Variants in ALOX5 observed in about 807,000 individuals in gnomAD.
ALOX5 encodes polyunsaturated fatty acid 5-lipoxygenase.
ALOX5 carries 64 observed loss-of-function variants against 87.9 expected under a neutral mutation model. The observed-to-expected ratio is 0.73, with a 90% CI of 0.60 to 0.90. The LOEUF is 0.90. Among genes scored for constraint, ALOX5 ranks in the 40% least tolerant of loss-of-function variants. The pLI, the probability that ALOX5 is intolerant of heterozygous loss-of-function variation, is 0.00. For synonymous variants in ALOX5, 388 were observed against 355.1 expected (o/e 1.09, Z -1.04); for missense variants, 822 against 907.5 (o/e 0.91, Z 1.21).
At chr10:45,432,862 A>G (rs1341828217) in intron 7 of ALOX5, among the ~76,000 whole-genome samples, 1 of 152,280 alleles carries the variant, frequency 6.6e-6, no homozygotes, top group Non-Finnish European at 1.5e-5. Context: ...AAACAAAGCC[A>G]AAAAGCAAAA....
chr10:45,443,330 T>G, intron 10 of ALOX5, 86 bp from the exon 11 acceptor site: 2 of 1,582,620 alleles, frequency 1.3e-6, no homozygotes, highest in South Asian at 2.3e-5. Context: ...GGTGGGGGAG[T>G]CCCAGCGTCC....
At chr10:45,436,306 CTA>C (rs1428819629) in intron 7 of ALOX5, among the ~76,000 whole-genome samples, 1 of 152,076 alleles carries the variant, frequency 6.6e-6, no homozygotes, top group Non-Finnish European at 1.5e-5. Context: ...CCTTTGAGGT[CTA>C]GTCATAAATT....
intron 1 of ALOX5, among the ~76,000 whole-genome samples, chr10:45,379,028 C>T (rs1175042490): frequency 6.6e-6 from 1 of 152,126 alleles, no homozygotes; most frequent in South Asian, 2.1e-4. Flanking sequence ...TGTGACTGCA[C>T]CACAGGTGTG....
intron 4 of ALOX5, among the ~76,000 whole-genome samples, chr10:45,423,009 C>T (rs767252424): frequency 3.9e-5 from 6 of 152,210 alleles, no homozygotes; most frequent in South Asian, 2.1e-4. Context: ...AATCCCATCA[C>T]GGGTACCCCA....
In ALOX5 at chr10:45,445,210, C is replaced by T. The variant is rs770266661; in HGVS notation, c.1846-298C>T. Among the ~76,000 whole-genome samples, 81 of 152,232 alleles carry T rather than the reference C, an allele frequency of 5.3e-4. 1 individual carries two copies. The highest frequency in any genetic ancestry group is 1.6e-4 in the Non-Finnish European group (11 of 68,038). On this transcript the variant is annotated intron_variant, in intron 13 of 13. Transcript: ENST00000374391. ...CAGCAGGATACCATGGCTGCAAACA[C>T]CAGCAGCCCCCAGCTTCATCTGCAT...
intron 3 of ALOX5, among the ~76,000 whole-genome samples, chr10:45,399,748 G>A (rs1589004635): frequency 6.6e-6 from 1 of 151,980 alleles, no homozygotes; most frequent in East Asian, 1.9e-4. Context: ...GTCTGATAAG[G>A]GACTTGTATC....
In ALOX5 at chr10:45,436,892, C is replaced by G. The variant is rs117622652; in HGVS notation, c.982-3538C>G. 3.8e-3 allele frequency among the ~76,000 whole-genome samples: 582 copies of G among 152,150 alleles called. 12 individuals are homozygous for G. In the East Asian group the frequency reaches 0.053, roughly 14 times the overall value. ...CATTTTTTTGTGTCATCTATGATTT[C>G]TTTCATCAGTGTTTTATAGTTCTCT... On this transcript the variant is annotated intron_variant, in intron 7 of 13. Transcript: ENST00000374391.
rs893194462 is a variant in ALOX5, at chr10:45,374,225, C to A, written c.-55C>A. The A allele has an allele frequency of 3.5e-6, 5 of 1,435,528 alleles. No homozygotes were observed. In the African/African-American group the frequency reaches 6.0e-5, roughly 17 times the overall value. 88.9% of individuals were successfully genotyped at this position (1,435,528 alleles called of 1,614,324 possible). On this transcript the variant is annotated 5_prime_UTR_variant, in exon 1 of 14. Coordinates refer to ENST00000374391, the MANE Select transcript of ALOX5 (RefSeq NM_000698.5). Reference sequence around the variant, plus strand: ...AGGAGGCTGCGGCGCTAGATGCGGACACCTGGACCGCCGCGCCGAGGCTCC... The same window carrying A: ...AGGAGGCTGCGGCGCTAGATGCGGAAACCTGGACCGCCGCGCCGAGGCTCC...
At chr10:45,419,575 C>G (rs1294650483) in intron 4 of ALOX5, among the ~76,000 whole-genome samples, 2 of 152,234 alleles carry the variant, frequency 1.3e-5, no homozygotes, top group Non-Finnish European at 2.9e-5. Flanking sequence ...ATGGCAGCGT[C>G]CTGAAGGGGG....
At chr10:45,390,670 T>A (rs1273544654) in intron 2 of ALOX5, among the ~76,000 whole-genome samples, 1 of 152,154 alleles carries the variant, frequency 6.6e-6, no homozygotes, top group Non-Finnish European at 1.5e-5. Context: ...CATACCAGAA[T>A]CTCTGGGACA....
chr10:45,422,145 C>T (rs1841527227), intron 4 of ALOX5, among the ~76,000 whole-genome samples: 2 of 152,128 alleles, frequency 1.3e-5, no homozygotes, highest in African/African-American at 4.8e-5. Context: ...CCCAGTGTCT[C>T]TTGCTTATCC....
At chr10:45,436,180 T>C (rs1314853508) in intron 7 of ALOX5, among the ~76,000 whole-genome samples, 1 of 152,236 alleles carries the variant, frequency 6.6e-6, no homozygotes, top group Admixed American at 6.5e-5. Context: ...TAGTTGCAAA[T>C]ATTTTCTCTC....
At chr10:45,429,624 G>A (rs1377674168) in intron 7 of ALOX5, among the ~76,000 whole-genome samples, 1 of 152,208 alleles carries the variant, frequency 6.6e-6, no homozygotes, top group African/African-American at 2.4e-5. Context: ...GAAGCAATAG[G>A]TGAGGTTATT....
rs1271479781 is a variant in ALOX5 at position 45,394,211 on chromosome 10, A to G, written c.350-1644A>G. Reference sequence around the variant, plus strand: ...GCTACCTGACTTCAAACTATACTACAAGGCTACAGTAACCAAAACAGCATG... The same window carrying G: ...GCTACCTGACTTCAAACTATACTACGAGGCTACAGTAACCAAAACAGCATG... On this transcript the variant is annotated intron_variant, in intron 2 of 13. Coordinates refer to ENST00000374391, the MANE Select transcript of ALOX5 (RefSeq NM_000698.5). Among the ~76,000 whole-genome samples the G allele has an allele frequency of 2.0e-5, 3 of 152,346 alleles. No homozygotes were observed. In the East Asian group the frequency reaches 5.8e-4, roughly 29 times the overall value.
chr10:45,396,135 A>C (rs1195476809), intron 3 of ALOX5, among the ~76,000 whole-genome samples, 199 bp downstream of exon 3: 2 of 152,248 alleles, frequency 1.3e-5, no homozygotes. Flanking sequence ...AGAGGAGAGT[A>C]ATGAAAATAA....
At chr10:45,428,003 C>T (rs1841784137) in intron 6 of ALOX5, among the ~76,000 whole-genome samples, 1 of 152,030 alleles carries the variant, frequency 6.6e-6, no homozygotes, top group Non-Finnish European at 1.5e-5. Flanking sequence ...GACCCTTCCC[C>T]CTCTGCTTCT....
chr10:45,381,883 G>A (rs927611978), intron 1 of ALOX5, among the ~76,000 whole-genome samples: 12 of 152,242 alleles, frequency 7.9e-5, no homozygotes, highest in Non-Finnish European at 1.3e-4. Context: ...TTCATTTAAG[G>A]TGTTCATGAA....
Position 45,382,576 on chromosome 10 carries a change from TA to T in ALOX5, c.245del (p.Tyr82SerfsTer2), listed in dbSNP as rs1319629244. 1 of 1,614,168 alleles carries T rather than the reference TA, an allele frequency of 6.2e-7. No homozygotes were observed. The highest frequency in any genetic ancestry group is 1.7e-5 in the Admixed American group (1 of 60,016). On this transcript the variant is annotated frameshift_variant, in exon 2 of 14. Transcript: ENST00000374391. LOFTEE classifies it high-confidence loss of function. ...CAAGTACTGGCTGAATGACGACTGG[TA>T]CCTGAAGTACATCACGCTGAAGACG... ...KRKYWLNDDW[Y>X]LKYITLKTPH...
chr10:45,426,001 C>T (rs1199287219), intron 6 of ALOX5, among the ~76,000 whole-genome samples: 2 of 152,210 alleles, frequency 1.3e-5, no homozygotes, highest in African/African-American at 4.8e-5. Context: ...TCTCCTGCCC[C>T]AGTGCAGGCA....
Sources: gnomAD v4.1 joint callset for allele counts (sites outside exome capture counted in the v4.1 genomes callset) on GRCh38, gnomAD v4.1.1 for gene constraint, MANE v1.5 for transcripts, NCBI Gene and HGNC (gene_info 2026-07-23, HGNC 2026-07-21) for gene names.